ITSN2: variants seen among roughly 807,000 people sequenced by gnomAD.
ITSN2 encodes intersectin 2.
In ITSN2, 156 loss-of-function variants were observed where a neutral mutation model predicts 243.7. The ratio of observed to expected loss-of-function variants is 0.64; its 90% CI spans 0.56 to 0.73. The LOEUF is 0.73. Ranked by LOEUF, ITSN2 falls within the 30% of genes least tolerant of loss-of-function variation. ITSN2 has a pLI of 0.00. For synonymous variants in ITSN2, 703 were observed against 699.9 expected (o/e 1.00, Z -0.07); for missense variants, 1,801 against 1,996.1 (o/e 0.90, Z 1.86).
intron 37 of ITSN2, chr2:24,206,264 A>G: frequency 2.3e-6 from 1 of 436,216 alleles, no homozygotes; most frequent in Non-Finnish European, 4.6e-6. Flanking sequence ...TATATAACAA[A>G]ATGGGGGAAA....
intron 20 of ITSN2, among the ~76,000 whole-genome samples, chr2:24,268,642 A>G (rs1676961099): frequency 6.6e-6 from 1 of 152,186 alleles, no homozygotes. Flanking sequence ...TTATACTTTA[A>G]TAAGAAAAAA....
At chr2:24,295,076 G>A (rs748198608) in intron 14 of ITSN2, among the ~76,000 whole-genome samples, 2 of 152,112 alleles carry the variant, frequency 1.3e-5, no homozygotes, top group Non-Finnish European at 2.9e-5. Context: ...GTTTGTTATA[G>A]CAAGTAATGA....
rs1426545608 is a variant in ITSN2, at chr2:24,342,282, C to G, written c.-33-14167G>C. Reference sequence around the variant, plus strand: ...GCATAATCACGGTGCACTGCAGCCTCGACCTCCCAGGCTCACGTGATTCTC... The same window carrying G: ...GCATAATCACGGTGCACTGCAGCCTGGACCTCCCAGGCTCACGTGATTCTC... On this transcript the variant is annotated intron_variant, in intron 1 of 39. Transcript: ENST00000355123. Among the ~76,000 whole-genome samples, 4 of 151,870 alleles carry G rather than the reference C, an allele frequency of 2.6e-5. No homozygotes were observed. In the East Asian group the frequency reaches 7.7e-4, roughly 29 times the overall value.
At chr2:24,309,558 T>G (rs1021428084) in intron 7 of ITSN2, among the ~76,000 whole-genome samples, 1 of 152,206 alleles carries the variant, frequency 6.6e-6, no homozygotes, top group Non-Finnish European at 1.5e-5. Flanking sequence ...ATCACTATTC[T>G]TAGTAAAGCA....
chr2:24,356,444 A>C (rs1688455553), intron 1 of ITSN2, among the ~76,000 whole-genome samples: 2 of 151,978 alleles, frequency 1.3e-5, no homozygotes, highest in South Asian at 2.1e-4. Flanking sequence ...TCCATCTGAC[A>C]AAGGTCTAAT....
chr2:24,287,897 T>C (rs532031078), intron 15 of ITSN2, among the ~76,000 whole-genome samples: 2 of 152,280 alleles, frequency 1.3e-5, no homozygotes, highest in East Asian at 3.9e-4. Flanking sequence ...GGGTTGTTTT[T>C]TGGTATTGAG....
intron 1 of ITSN2, among the ~76,000 whole-genome samples, chr2:24,337,333 T>TATATATATATAC (rs1686532575): frequency 1.9e-5 from 2 of 107,786 alleles, no homozygotes; most frequent in African/African-American, 7.4e-5. Flanking sequence ...TATATATATA[T>TATATATATATAC]ATATATATAT....
intron 2 of ITSN2, among the ~76,000 whole-genome samples, chr2:24,327,743 A>G (rs1043566734): frequency 1.3e-5 from 2 of 152,230 alleles, no homozygotes; most frequent in African/African-American, 4.8e-5. Flanking sequence ...TTATGTTATC[A>G]AAATACCTTT....
At chr2:24,301,062 A>C in intron 11 of ITSN2, 92 bp downstream of exon 11, 1 of 691,844 alleles carries the variant, frequency 1.4e-6, no homozygotes, top group Non-Finnish European at 2.4e-6. Context: ...ATCAAATATT[A>C]AAAATATAAA....
chr2:24,216,053 A>C lies in ITSN2; in HGVS notation c.3986T>G (p.Leu1329Ter). 6.3e-7 allele frequency: 1 copy of C among 1,592,234 alleles called. No individual in the cohort carries two copies. The highest frequency in any genetic ancestry group is 2.3e-5 in the East Asian group (1 of 43,376). ...TDEDTDFKEF[L>*]KKLASDPRCK... Reference sequence around the variant, plus strand: ...CAAGGCCCAGAATGGAATTACCTTTAAAAATTCTTTGAAATCTGTGTCTTC... The same window carrying C: ...CAAGGCCCAGAATGGAATTACCTTTCAAAATTCTTTGAAATCTGTGTCTTC... The change falls in exon 32 of 40, where the codon TTA becomes TGA. Residue 1329 changes from leucine (L) to a stop codon, truncating the protein, a stop_gained. Coordinates refer to ENST00000355123, the MANE Select transcript of ITSN2 (RefSeq NM_006277.3). LOFTEE classifies it high-confidence loss of function.
intron 29 of ITSN2, among the ~76,000 whole-genome samples, chr2:24,223,332 G>T (rs565596831): frequency 6.6e-6 from 1 of 152,206 alleles, no homozygotes; most frequent in African/African-American, 2.4e-5. Flanking sequence ...CAGCTTTAAA[G>T]AAATTACTCC....
In ITSN2 at chr2:24,303,838, A is replaced by C. The variant is rs377620364; in HGVS notation, c.818T>G (p.Leu273Arg). ...CTGAGTTTGAGAAAGATTTGACTGA[A>C]GAAGGGCATTTCTAGCTTGAAAACC... is the stretch of plus-strand genomic sequence containing the variant. Reference protein sequence around the residue: ...LSGFQARNALLQSNLSQTQLA... With the variant: ...LSGFQARNALRQSNLSQTQLA... Residue 273 changes from leucine to arginine, a missense_variant, in exon 9 of 40, where the codon CTT becomes CGT. This residue lies in a region of ITSN2 where 787 missense variants were observed against 803.9 expected (regional missense o/e 0.98). Transcript: ENST00000355123. 1.2e-6 allele frequency: 2 copies of C among 1,610,362 alleles called. No individual in the cohort carries two copies. Among genetic ancestry groups the C allele is most frequent in the African/African-American group, 2.7e-5 (2 of 74,840 alleles).
At chr2:24,261,071 A>T in intron 22 of ITSN2, 35 bp downstream of exon 22, 6 of 1,582,424 alleles carry the variant, frequency 3.8e-6, no homozygotes, top group Non-Finnish European at 5.2e-6. Context: ...AGCAAATTCA[A>T]AGAATAAAGC....
chr2:24,224,449 A>G (rs1194816471), intron 29 of ITSN2, among the ~76,000 whole-genome samples: 1 of 152,250 alleles, frequency 6.6e-6, no homozygotes, highest in East Asian at 1.9e-4. Flanking sequence ...ACAATGATTT[A>G]CATTAAAAAC....
At chr2:24,209,480 G>A (rs1298690223) in intron 35 of ITSN2, among the ~76,000 whole-genome samples, 1 of 152,252 alleles carries the variant, frequency 6.6e-6, no homozygotes, top group East Asian at 1.9e-4. Flanking sequence ...GCCCATGACG[G>A]CTGGTGCAAA....
In ITSN2 at chr2:24,310,625, CAAT is replaced by C; in HGVS notation, c.417_419del (p.Leu140del). ...GGTTGGTCCCTGAAGTCGCAGAAGACAATGATGTTATAGGTGCAGCTGGAGGCA... is the reference window on the plus strand; with the variant it reads ...GGTTGGTCCCTGAAGTCGCAGAAGACGATGTTATAGGTGCAGCTGGAGGCA... On this transcript the variant is annotated inframe_deletion, in exon 6 of 40. Transcript: ENST00000355123. 6.2e-7 allele frequency: 1 copy of C among 1,614,098 alleles called. No individual in the cohort carries two copies. The highest frequency in any genetic ancestry group is 1.1e-5 in the South Asian group (1 of 91,074).
At chr2:24,267,300 G>T (rs1202516947) in intron 20 of ITSN2, among the ~76,000 whole-genome samples, 1 of 151,718 alleles carries the variant, frequency 6.6e-6, no homozygotes, top group Non-Finnish European at 1.5e-5. Context: ...CAGGTTGATG[G>T]GTGCAGCAAA....
chr2:24,209,652 G>A (rs1669274564), intron 35 of ITSN2, among the ~76,000 whole-genome samples, 166 bp downstream of exon 35: 1 of 152,202 alleles, frequency 6.6e-6, no homozygotes, highest in Non-Finnish European at 1.5e-5. Context: ...GGAGTGCCCA[G>A]CTGCATGGGG....
intron 2 of ITSN2, among the ~76,000 whole-genome samples, chr2:24,320,324 CCTGG>C (rs1304144022): frequency 1.1e-4 from 16 of 150,050 alleles, no homozygotes; most frequent in African/African-American, 3.9e-4. Context: ...TCGAGACCAT[CCTGG>C]CTAACAAGGT....
Sources: gnomAD v4.1 joint callset for allele counts (sites outside exome capture counted in the v4.1 genomes callset) on GRCh38, gnomAD v4.1.1 for gene constraint, gnomAD v4.1.1 regional missense constraint, MANE v1.5 for transcripts, NCBI Gene and HGNC (gene_info 2026-07-23, HGNC 2026-07-21) for gene names.